The following NTRK2 variants were observed in gnomAD, a reference collection of about 807,000 sequenced individuals.
NTRK2 encodes neurotrophic receptor tyrosine kinase 2.
Under a neutral mutation model 94.5 loss-of-function variants are expected in NTRK2, and 13 were observed. The observed-to-expected ratio is 0.14, with a 90% CI of 0.09 to 0.22. The LOEUF (loss-of-function observed/expected upper bound fraction) is 0.22. Ranked by LOEUF, NTRK2 falls within the 10% of genes least tolerant of loss-of-function variation. The pLI, the probability that NTRK2 is intolerant of heterozygous loss-of-function variation, is 1.00. For synonymous variants in NTRK2, 372 were observed against 407.4 expected (o/e 0.91, Z 1.05); for missense variants, 639 against 1,071.2 (o/e 0.60, Z 5.63).
chr9:84,949,294 TG>T (rs1473335377), intron 16 of NTRK2, among the ~76,000 whole-genome samples: 1 of 152,154 alleles, frequency 6.6e-6, no homozygotes, highest in Non-Finnish European at 1.5e-5. Flanking sequence ...CATGAAAAGA[TG>T]GACAGCTTCA....
At chr9:84,769,398 G>GC (rs2066320366) in intron 12 of NTRK2, among the ~76,000 whole-genome samples, 2 of 152,126 alleles carry the variant, frequency 1.3e-5, no homozygotes, top group Non-Finnish European at 2.9e-5. Flanking sequence ...ATCACCTGAA[G>GC]TTAAGCCAGA....
intron 12 of NTRK2, among the ~76,000 whole-genome samples, chr9:84,829,241 C>T (rs924994339): frequency 6.6e-5 from 10 of 152,102 alleles, no homozygotes; most frequent in South Asian, 6.2e-4. Flanking sequence ...TCAAGTGATC[C>T]GCCTGCCTTG....
At chr9:84,779,618 C>T (rs547405422) in intron 12 of NTRK2, among the ~76,000 whole-genome samples, 9 of 152,220 alleles carry the variant, frequency 5.9e-5, no homozygotes, top group African/African-American at 1.9e-4. Flanking sequence ...TATGTCATGC[C>T]GTAGGGTTGC....
intron 14 of NTRK2, among the ~76,000 whole-genome samples, chr9:84,885,330 T>C (rs1297869554): frequency 6.6e-6 from 1 of 152,202 alleles, no homozygotes; most frequent in Non-Finnish European, 1.5e-5. Flanking sequence ...AATCACGAGA[T>C]CGAGACCCTG....
chr9:84,935,322 T>C (rs2078178834), intron 15 of NTRK2, among the ~76,000 whole-genome samples: 1 of 152,244 alleles, frequency 6.6e-6, no homozygotes. Flanking sequence ...ATTACTGTTA[T>C]ACTTAACATT....
chr9:85,013,666 AT>A (rs1271891601), intron 17 of NTRK2, among the ~76,000 whole-genome samples: 1 of 152,224 alleles, frequency 6.6e-6, no homozygotes, highest in Non-Finnish European at 1.5e-5. Context: ...AGGTTCATGA[AT>A]TTTTAAGGAA....
At chr9:84,734,281 C>A (rs901824467) in intron 9 of NTRK2, among the ~76,000 whole-genome samples, 1 of 152,206 alleles carries the variant, frequency 6.6e-6, no homozygotes, top group Non-Finnish European at 1.5e-5. Flanking sequence ...TATTTATCCT[C>A]TCCTTAGGTA....
chr9:84,879,919 A>G (rs890982429), intron 14 of NTRK2, among the ~76,000 whole-genome samples: 3 of 152,200 alleles, frequency 2.0e-5, no homozygotes, highest in Non-Finnish European at 4.4e-5. Context: ...CAGGCCATCT[A>G]TGGTACAATG....
chr9:84,781,718 A>G (rs1043532117), intron 12 of NTRK2, among the ~76,000 whole-genome samples: 8 of 152,224 alleles, frequency 5.3e-5, no homozygotes, highest in Non-Finnish European at 1.2e-4. Context: ...CAATGTAGGC[A>G]TATAATTGAC....
At chr9:84,793,756 G>T (rs1424843587) in intron 12 of NTRK2, among the ~76,000 whole-genome samples, 1 of 152,176 alleles carries the variant, frequency 6.6e-6, no homozygotes, top group Non-Finnish European at 1.5e-5. Context: ...TTCTGTTGTT[G>T]CTCGCAGAAA....
chr9:84,742,139 C>A (rs1564168777), intron 10 of NTRK2, among the ~76,000 whole-genome samples: 1 of 152,176 alleles, frequency 6.6e-6, no homozygotes, highest in Admixed American at 6.5e-5. Context: ...CTCTCTCATA[C>A]CCTGTTCTTG....
At chr9:84,774,424 A>G (rs954373416) in intron 12 of NTRK2, among the ~76,000 whole-genome samples, 1 of 152,212 alleles carries the variant, frequency 6.6e-6, no homozygotes, top group African/African-American at 2.4e-5. Flanking sequence ...AGTTTTATCC[A>G]TGGAAACATT....
At chr9:84,907,567 G>A (rs2077108866) in intron 14 of NTRK2, among the ~76,000 whole-genome samples, 1 of 152,106 alleles carries the variant, frequency 6.6e-6, no homozygotes, top group Non-Finnish European at 1.5e-5. Context: ...CAAAAGCTCT[G>A]CTTAATTCTG....
intron 14 of NTRK2, among the ~76,000 whole-genome samples, chr9:84,895,882 C>G (rs1045863012): frequency 6.6e-6 from 1 of 152,228 alleles, no homozygotes; most frequent in Non-Finnish European, 1.5e-5. Context: ...ACCTTTAACT[C>G]ATTTGATAAA....
intron 17 of NTRK2, among the ~76,000 whole-genome samples, chr9:85,009,028 G>C (rs139482437): frequency 1.3e-5 from 2 of 152,126 alleles, no homozygotes; most frequent in Non-Finnish European, 2.9e-5. Flanking sequence ...ATTTATTTAC[G>C]TTCAGCTAGT....
intron 17 of NTRK2, among the ~76,000 whole-genome samples, chr9:84,965,559 A>G (rs572090337): frequency 7.9e-5 from 12 of 152,318 alleles, no homozygotes; most frequent in Admixed American, 3.9e-4. Context: ...CGCAAAGACT[A>G]TTGCCTGTGA....
intron 17 of NTRK2, among the ~76,000 whole-genome samples, chr9:84,961,187 C>T (rs566925098): frequency 6.6e-6 from 1 of 152,314 alleles, no homozygotes; most frequent in East Asian, 1.9e-4. Context: ...ATTCAATTTA[C>T]AGGGCAAATC....
chr9:84,787,180 C>A (rs111531725), intron 12 of NTRK2, among the ~76,000 whole-genome samples: 6,115 of 152,026 alleles, frequency 0.04, 431 homozygotes, highest in African/African-American at 0.14. Flanking sequence ...CACCTATAAT[C>A]CCAGCTACGT....
intron 14 of NTRK2, among the ~76,000 whole-genome samples, 177 bp downstream of exon 14, chr9:84,867,608 C>G (rs1477949088): frequency 6.6e-6 from 1 of 152,138 alleles, no homozygotes; most frequent in Non-Finnish European, 1.5e-5. Context: ...TTATGGAATT[C>G]TCCGGGTGTG....
Sources: allele counts gnomAD v4.1 joint callset (sites outside exome capture counted in the v4.1 genomes callset), GRCh38; gene constraint gnomAD v4.1.1; transcripts MANE v1.5; gene names NCBI Gene and HGNC (gene_info 2026-07-23, HGNC 2026-07-21).